NCKAP5: variants seen among roughly 807,000 people sequenced by gnomAD.
NCKAP5 encodes the protein NCK associated protein 5.
A neutral mutation model predicts 167.0 loss-of-function variants in NCKAP5; 92 were observed. That is an observed-to-expected ratio of 0.55 (90% CI 0.47 to 0.66). NCKAP5 has a LOEUF of 0.66. Ranked by LOEUF, NCKAP5 falls within the 30% of genes least tolerant of loss-of-function variation. NCKAP5 has a pLI of 0.00. For synonymous variants in NCKAP5, 891 were observed against 877.4 expected, an observed-to-expected ratio of 1.02 and a Z score of -0.27; for missense variants, 2,378 against 2,315.0, an observed-to-expected ratio of 1.03 and a Z score of -0.56.
intron 6 of NCKAP5, among the ~76,000 whole-genome samples, chr2:133,006,195 G>A (rs556050953): frequency 8.0e-4 from 122 of 152,180 alleles, no homozygotes; most frequent in African/African-American, 2.8e-3. Context: ...GGAGGTCGAG[G>A]TTGCAGTGAG....
At chr2:133,512,469 G>T (rs73003144) in intron 3 of NCKAP5, among the ~76,000 whole-genome samples, 17,636 of 152,190 alleles carry the variant, frequency 0.12, 1,878 homozygotes, top group African/African-American at 0.28. Flanking sequence ...TAATTAAAGT[G>T]TTTTTGTAAA....
At chr2:132,678,086 A>C (rs1033421945) in intron 19 of NCKAP5, among the ~76,000 whole-genome samples, 2 of 152,164 alleles carry the variant, frequency 1.3e-5, no homozygotes, top group African/African-American at 4.8e-5. Context: ...ATAAAATTGG[A>C]GGAGATATGG....
At chr2:132,978,462 T>G (rs1258588652) in intron 7 of NCKAP5, among the ~76,000 whole-genome samples, 1 of 152,162 alleles carries the variant, frequency 6.6e-6, no homozygotes, top group African/African-American at 2.4e-5. Flanking sequence ...TACTGGGACA[T>G]CTGTGACATC....
chr2:133,654,502 C>T, the NCKAP5 span, among the ~76,000 whole-genome samples: 3,271 of 152,238 alleles, frequency 0.021, 205 homozygotes, highest in East Asian at 0.23. Flanking sequence ...TCAGGGGTAA[C>T]GAGTTTCTGC....
intron 16 of NCKAP5, among the ~76,000 whole-genome samples, chr2:132,744,686 C>T (rs1416964639): frequency 6.6e-6 from 1 of 150,390 alleles, no homozygotes; most frequent in East Asian, 1.9e-4. Flanking sequence ...GGTTATTTTA[C>T]ATGACTGATC....
At chr2:132,719,280 A>G (rs1689681900) in intron 19 of NCKAP5, among the ~76,000 whole-genome samples, 1 of 152,230 alleles carries the variant, frequency 6.6e-6, no homozygotes, top group Non-Finnish European at 1.5e-5. Context: ...TAAGTAAAAC[A>G]AAATTTAAAA....
chr2:133,106,045 A>G (rs1274002518), intron 6 of NCKAP5, among the ~76,000 whole-genome samples: 2 of 152,004 alleles, frequency 1.3e-5, no homozygotes, highest in African/African-American at 4.8e-5. Flanking sequence ...AAAAAAGGAA[A>G]ACTTCTGGGA....
chr2:132,802,731 G>C (rs1685136224), intron 11 of NCKAP5, among the ~76,000 whole-genome samples: 1 of 152,180 alleles, frequency 6.6e-6, no homozygotes, highest in African/African-American at 2.4e-5. Context: ...ATCTCCAAAA[G>C]GAAGGTGCAG....
At position 133,327,343 on chromosome 2, in the gene NCKAP5, GT is replaced by G. The variant is rs112557063; in HGVS notation, c.70-24234del. Among the ~76,000 whole-genome samples the G allele has an allele frequency of 9.3e-3, 1,421 of 152,194 alleles. 17 individuals are homozygous for G. Among genetic ancestry groups the G allele is most frequent in the African/African-American group, 0.032 (1,338 of 41,520 alleles). On this transcript the variant is annotated intron_variant, in intron 3 of 19. Coordinates refer to ENST00000409261, the MANE Select transcript of NCKAP5 (RefSeq NM_207363.3). ...TGCTGTGTCTTCAGCATCTGGAATT[GT>G]TTTTTTACCTTCTCTCTATGCAGTT... is the stretch of plus-strand genomic sequence containing the variant.
rs368028470 is a variant in NCKAP5, at chr2:132,948,590, A to G, written c.579+15130T>C. Among the ~76,000 whole-genome samples the G allele has an allele frequency of 3.3e-5, 5 of 152,188 alleles. No homozygotes were observed. In the East Asian group the frequency reaches 9.6e-4, roughly 29 times the overall value. ...TCCAAAAGGTGGAATGGCAAATGGTAACAAGCTCTTGGAGAGCCCCAAAGG... is the reference window on the plus strand; with the variant it reads ...TCCAAAAGGTGGAATGGCAAATGGTGACAAGCTCTTGGAGAGCCCCAAAGG... On this transcript the variant is annotated intron_variant, in intron 8 of 19. Transcript: ENST00000409261.
chr2:133,468,503 G>A (rs1692778226), intron 3 of NCKAP5, among the ~76,000 whole-genome samples: 1 of 151,928 alleles, frequency 6.6e-6, no homozygotes, highest in African/African-American at 2.4e-5. Context: ...TTGGGGTGGA[G>A]AGTTCTGTAG....
intron 2 of NCKAP5, among the ~76,000 whole-genome samples, chr2:133,557,563 T>C (rs1373458161): frequency 3.3e-5 from 5 of 152,174 alleles, no homozygotes; most frequent in Non-Finnish European, 7.3e-5. Flanking sequence ...CTCTACAAAA[T>C]TGAAGACATG....
intron 5 of NCKAP5, among the ~76,000 whole-genome samples, chr2:133,180,089 G>C (rs2084663595): frequency 2.0e-5 from 3 of 152,078 alleles, no homozygotes; most frequent in Admixed American, 2.0e-4. Flanking sequence ...CAGTGAGGGA[G>C]GAATGACACC....
At chr2:133,457,214 A>G (rs1691914031) in intron 3 of NCKAP5, among the ~76,000 whole-genome samples, 1 of 152,200 alleles carries the variant, frequency 6.6e-6, no homozygotes, top group African/African-American at 2.4e-5. Context: ...ATCCAGGCTA[A>G]GATTTCAATG....
chr2:133,654,470 C>T, the NCKAP5 span, among the ~76,000 whole-genome samples: 29 of 152,180 alleles, frequency 1.9e-4, no homozygotes, highest in Admixed American at 1.0e-3. Context: ...GTTCCTATTC[C>T]CAACCTCTTC....
intron 3 of NCKAP5, among the ~76,000 whole-genome samples, chr2:133,382,081 G>A (rs1686564677): frequency 6.6e-6 from 1 of 152,140 alleles, no homozygotes; most frequent in African/African-American, 2.4e-5. Context: ...ACTCCTCCTC[G>A]TCTGATAGTT....
chr2:132,877,992 G>T (rs1691416689), intron 9 of NCKAP5, among the ~76,000 whole-genome samples: 1 of 152,180 alleles, frequency 6.6e-6, no homozygotes, highest in African/African-American at 2.4e-5. Flanking sequence ...GTTTTAAGGT[G>T]CTAGACAGAT....
chr2:133,568,779 G>T (rs960837650), upstream of NCKAP5, among the ~76,000 whole-genome samples: 3 of 152,086 alleles, frequency 2.0e-5, no homozygotes, highest in Non-Finnish European at 4.4e-5. Flanking sequence ...CTACCAAATT[G>T]TTTACCCACC....
intron 4 of NCKAP5, among the ~76,000 whole-genome samples, 198 bp downstream of exon 4, chr2:133,302,839 G>C (rs931894009): frequency 1.6e-4 from 25 of 151,590 alleles, no homozygotes; most frequent in Non-Finnish European, 2.9e-4. Flanking sequence ...CTTGAAGCAA[G>C]CAAGGATCAA....
Sources: gnomAD v4.1 joint callset for allele counts (sites outside exome capture counted in the v4.1 genomes callset) on GRCh38, gnomAD v4.1.1 for gene constraint, MANE v1.5 for transcripts, NCBI Gene and HGNC (gene_info 2026-07-23, HGNC 2026-07-21) for gene names.